NAALADL2: variants seen among roughly 807,000 people sequenced by gnomAD.
The protein encoded by NAALADL2 is inactive N-acetylated-alpha-linked acidic dipeptidase-like protein 2.
NAALADL2 carries 76 observed loss-of-function variants against 87.2 expected under a neutral mutation model. That is an observed-to-expected ratio of 0.87 (90% CI 0.72 to 1.05). The LOEUF (loss-of-function observed/expected upper bound fraction) is 1.05. Ranked by LOEUF, NAALADL2 falls within the 50% of genes least tolerant of loss-of-function variation. NAALADL2 has a pLI of 0.00. For synonymous variants in NAALADL2, 354 were observed against 331.0 expected, an observed-to-expected ratio of 1.07 and a Z score of -0.75; for missense variants, 1,089 against 945.8, an observed-to-expected ratio of 1.15 and a Z score of -1.99.
chr3:174,641,048 G>A (rs1350686434), intron 2 of NAALADL2, among the ~76,000 whole-genome samples: 9 of 152,202 alleles, frequency 5.9e-5, no homozygotes, highest in African/African-American at 2.2e-4. Context: ...GGCTGGTGGG[G>A]CCAGAGCAGG....
chr3:174,533,850 G>A (rs747157624), intron 1 of NAALADL2, among the ~76,000 whole-genome samples: 39 of 152,080 alleles, frequency 2.6e-4, no homozygotes, highest in Non-Finnish European at 5.3e-4. Context: ...AAACAAAACT[G>A]TAGTCTTGAC....
chr3:175,725,167 C>A (rs1011449299), intron 11 of NAALADL2, among the ~76,000 whole-genome samples: 4 of 151,992 alleles, frequency 2.6e-5, no homozygotes, highest in African/African-American at 9.7e-5. Flanking sequence ...TGAAAGGCTT[C>A]TTCTGTCTTG....
At chr3:175,070,950 T>A (rs975149983) in intron 1 of NAALADL2, among the ~76,000 whole-genome samples, 2 of 152,096 alleles carry the variant, frequency 1.3e-5, no homozygotes, top group Non-Finnish European at 2.9e-5. Context: ...TTTTAAGACA[T>A]ACGATCTCAG....
chr3:175,138,678 A>G (rs1262304761), intron 2 of NAALADL2, among the ~76,000 whole-genome samples: 3 of 148,248 alleles, frequency 2.0e-5, no homozygotes, highest in Non-Finnish European at 4.5e-5. Context: ...TTCAGGCTGA[A>G]CTCGAGCTCC....
intron 12 of NAALADL2, among the ~76,000 whole-genome samples, chr3:175,743,993 C>T (rs1174422710): frequency 1.3e-5 from 2 of 152,220 alleles, no homozygotes; most frequent in South Asian, 2.1e-4. Context: ...TCTAGAAGCA[C>T]CTCACATTAT....
At chr3:175,380,056 T>G (rs1318439203) in intron 5 of NAALADL2, among the ~76,000 whole-genome samples, 2 of 151,982 alleles carry the variant, frequency 1.3e-5, no homozygotes, top group Admixed American at 1.3e-4. Context: ...TTGTGGGGTG[T>G]GGGCAGAGGG....
chr3:175,628,621 A>G (rs749726910), intron 11 of NAALADL2, among the ~76,000 whole-genome samples: 3 of 144,730 alleles, frequency 2.1e-5, no homozygotes, highest in African/African-American at 7.6e-5. Context: ...CTCTATGTAT[A>G]TATATATATA....
At chr3:174,460,285 G>T (rs1716131570) in intron 1 of NAALADL2, among the ~76,000 whole-genome samples, 1 of 151,936 alleles carries the variant, frequency 6.6e-6, no homozygotes. Context: ...TATTAAAACA[G>T]TATGGGAAAA....
intron 2 of NAALADL2, among the ~76,000 whole-genome samples, chr3:174,600,034 T>G (rs529842788): frequency 1.8e-4 from 28 of 152,300 alleles, no homozygotes; most frequent in African/African-American, 6.3e-4. Context: ...TAGCATTATT[T>G]ATAATATTCT....
chr3:175,031,329 C>T (rs971789852), intron 1 of NAALADL2, among the ~76,000 whole-genome samples: 1 of 151,990 alleles, frequency 6.6e-6, no homozygotes, highest in African/African-American at 2.4e-5. Context: ...TCTTTATGTT[C>T]ATGTGTACTC....
At chr3:174,591,068 G>GA (rs1402783497) in intron 2 of NAALADL2, among the ~76,000 whole-genome samples, 1 of 152,114 alleles carries the variant, frequency 6.6e-6, no homozygotes, top group Non-Finnish European at 1.5e-5. Flanking sequence ...GGGACCCCCT[G>GA]ATTCAACAGG....
intron 1 of NAALADL2, among the ~76,000 whole-genome samples, chr3:175,023,961 A>G (rs1287690314): frequency 6.6e-6 from 1 of 152,060 alleles, no homozygotes; most frequent in South Asian, 2.1e-4. Context: ...AGATTATACA[A>G]TTCTGTGGGA....
intron 2 of NAALADL2, among the ~76,000 whole-genome samples, chr3:174,711,342 C>T (rs1320411887): frequency 6.6e-6 from 1 of 152,136 alleles, no homozygotes; most frequent in Admixed American, 6.5e-5. Flanking sequence ...TTTTCCATCC[C>T]TCCACCCACC....
At chr3:175,192,537 C>G (rs886562640) in intron 2 of NAALADL2, among the ~76,000 whole-genome samples, 1 of 151,888 alleles carries the variant, frequency 6.6e-6, no homozygotes, top group Non-Finnish European at 1.5e-5. Flanking sequence ...ATTTGGTTCA[C>G]AATGTAGAGA....
At chr3:174,971,185 C>T (rs867691735) in intron 1 of NAALADL2, among the ~76,000 whole-genome samples, 2 of 152,084 alleles carry the variant, frequency 1.3e-5, no homozygotes, top group Non-Finnish European at 2.9e-5. Flanking sequence ...CTGGGTTCCT[C>T]CCAAAACGTG....
chr3:175,188,135 C>T (rs551804637), intron 2 of NAALADL2, among the ~76,000 whole-genome samples: 6 of 152,238 alleles, frequency 3.9e-5, no homozygotes, highest in Admixed American at 2.0e-4. Context: ...AACTCTTTTT[C>T]TATCATGAAT....
At chr3:175,759,027 T>C (rs1747637136) in intron 13 of NAALADL2, among the ~76,000 whole-genome samples, 1 of 152,170 alleles carries the variant, frequency 6.6e-6, no homozygotes, top group African/African-American at 2.4e-5. Flanking sequence ...AACACTGGAA[T>C]ATATTATTTT....
At chr3:174,639,545 TC>T in intron 2 of NAALADL2, among the ~76,000 whole-genome samples, 1 of 152,192 alleles carries the variant, frequency 6.6e-6, no homozygotes, top group East Asian at 1.9e-4. Flanking sequence ...GTCTTTCCTT[TC>T]CCCCTCCAGA....
intron 11 of NAALADL2, among the ~76,000 whole-genome samples, chr3:175,712,324 C>T (rs766649029): frequency 2.0e-5 from 3 of 152,096 alleles, no homozygotes; most frequent in Non-Finnish European, 2.9e-5. Context: ...CACTTTCAAT[C>T]TTTCATGTAA....
Sources: gnomAD v4.1 joint callset for allele counts (sites outside exome capture counted in the v4.1 genomes callset) on GRCh38, gnomAD v4.1.1 for gene constraint, MANE v1.5 for transcripts, NCBI Gene and HGNC (gene_info 2026-07-23, HGNC 2026-07-21) for gene names.